DMRT1: variants seen among roughly 807,000 people sequenced by gnomAD.
DMRT1 encodes doublesex and mab-3 related transcription factor 1, also known as doublesex- and mab-3-related transcription factor 1.
A neutral mutation model predicts 32.3 loss-of-function variants in DMRT1; 7 were observed. That is an observed-to-expected ratio of 0.22 (90% CI 0.12 to 0.41). The LOEUF (loss-of-function observed/expected upper bound fraction) is 0.41. DMRT1 is among the 10% of genes least tolerant of loss of function. The pLI, the probability that DMRT1 is intolerant of heterozygous loss-of-function variation, is 1.00. For synonymous variants in DMRT1, 278 were observed against 206.1 expected (o/e 1.35, Z -2.99); for missense variants, 625 against 500.5 (o/e 1.25, Z -2.37).
chr9:962,263 C>G (rs1819798154), intron 4 of DMRT1, among the ~76,000 whole-genome samples: 1 of 152,090 alleles, frequency 6.6e-6, no homozygotes, highest in Non-Finnish European at 1.5e-5. Flanking sequence ...GAAGAGATGT[C>G]AGTGGGAGGA....
intron 2 of DMRT1, among the ~76,000 whole-genome samples, chr9:861,206 C>G (rs766714202): frequency 1.6e-4 from 25 of 151,910 alleles, no homozygotes; most frequent in Admixed American, 3.3e-4. Context: ...AGGGCCCTGC[C>G]GCCTTCCGTC....
At chr9:948,508 G>A (rs775344706) in intron 4 of DMRT1, among the ~76,000 whole-genome samples, 3 of 152,070 alleles carry the variant, frequency 2.0e-5, no homozygotes, top group Non-Finnish European at 4.4e-5. Context: ...GTGGAAGTCA[G>A]TATCCTCTCC....
chr9:844,968 C>T (rs1245459296), intron 1 of DMRT1, among the ~76,000 whole-genome samples: 2 of 151,470 alleles, frequency 1.3e-5, no homozygotes, highest in Non-Finnish European at 1.5e-5. Flanking sequence ...GTGATCCACC[C>T]GCCTCGGCTT....
At chr9:916,714 G>C in intron 3 of DMRT1, 49 bp from the exon 4 acceptor site, 1 of 1,602,906 alleles carries the variant, frequency 6.2e-7, no homozygotes, top group Non-Finnish European at 8.5e-7. Context: ...TGTACTAGTT[G>C]TGACATGCAA....
At chr9:963,409 C>T (rs1819837736) in intron 4 of DMRT1, among the ~76,000 whole-genome samples, 3 of 106,476 alleles carry the variant, frequency 2.8e-5, no homozygotes, top group East Asian at 2.8e-4. Context: ...ATTGTTTCAA[C>T]GATCATTACT....
chr9:910,394 A>G (rs1586604772), intron 3 of DMRT1, among the ~76,000 whole-genome samples: 1 of 152,166 alleles, frequency 6.6e-6, no homozygotes, highest in Non-Finnish European at 1.5e-5. Flanking sequence ...TTAGTAAACA[A>G]CTAGATGACA....
At chr9:958,928 G>A (rs1819681233) in intron 4 of DMRT1, among the ~76,000 whole-genome samples, 1 of 152,146 alleles carries the variant, frequency 6.6e-6, no homozygotes, top group South Asian at 2.1e-4. Context: ...TAGCCTTAAC[G>A]AGATGCCCAT....
At chr9:906,590 A>T (rs1302200853) in intron 3 of DMRT1, among the ~76,000 whole-genome samples, 1 of 152,170 alleles carries the variant, frequency 6.6e-6, no homozygotes, top group Non-Finnish European at 1.5e-5. Context: ...AAGGTTAATT[A>T]AGTTTGTCCA....
At chr9:935,018 G>A (rs1387322421) in intron 4 of DMRT1, among the ~76,000 whole-genome samples, 1 of 152,162 alleles carries the variant, frequency 6.6e-6, no homozygotes, top group Admixed American at 6.5e-5. Flanking sequence ...AAGGCATATA[G>A]GGTAACCAGG....
chr9:863,264 A>G (rs1815806737), intron 2 of DMRT1, among the ~76,000 whole-genome samples: 1 of 151,090 alleles, frequency 6.6e-6, no homozygotes, highest in African/African-American at 2.4e-5. Flanking sequence ...GCTGCAGTGA[A>G]CAGTGATCAT....
At chr9:950,368 G>A (rs1819389429) in intron 4 of DMRT1, among the ~76,000 whole-genome samples, 1 of 152,122 alleles carries the variant, frequency 6.6e-6, no homozygotes, top group Non-Finnish European at 1.5e-5. Flanking sequence ...CCACCAGCAA[G>A]CTTGTTGTGA....
At chr9:940,239 T>C (rs1819018356) in intron 4 of DMRT1, among the ~76,000 whole-genome samples, 1 of 152,024 alleles carries the variant, frequency 6.6e-6, no homozygotes, top group Non-Finnish European at 1.5e-5. Context: ...TGAAAGCAGG[T>C]ACTCACACAG....
intron 4 of DMRT1, among the ~76,000 whole-genome samples, chr9:924,001 G>C (rs1404684727): frequency 6.6e-6 from 1 of 151,924 alleles, no homozygotes. Flanking sequence ...AAGGGCATTG[G>C]AACTATCCCA....
rs550345624 is a variant in DMRT1, at chr9:917,231, G to C, written c.967+324G>C. ...CACTTTAAATGTGGTTCAAGACCTG[G>C]TATTTTTTGTGAAGTGAGTTTCTGT... On this transcript the variant is annotated intron_variant, in intron 4 of 4. Coordinates refer to ENST00000382276, the MANE Select transcript of DMRT1 (RefSeq NM_021951.3). Among the ~76,000 whole-genome samples, 28 of 152,182 alleles carry C rather than the reference G, an allele frequency of 1.8e-4. No homozygotes were observed. The East Asian group carries it at 4.8e-3, about 26-fold the overall frequency.
At chr9:906,308 C>T (rs1050539267) in intron 3 of DMRT1, among the ~76,000 whole-genome samples, 3 of 152,174 alleles carry the variant, frequency 2.0e-5, no homozygotes, top group Admixed American at 2.0e-4. Flanking sequence ...GACAGCCTCA[C>T]GTTGCCCTCC....
rs74330057 is a variant in DMRT1, at chr9:967,781, T to G, written c.968-204T>G. On this transcript the variant is annotated intron_variant, in intron 4 of 4. Coordinates refer to ENST00000382276, the MANE Select transcript of DMRT1 (RefSeq NM_021951.3). ...TACTCCTTTCGTTAAATAGGTATACTGTGTAGAATACTATTTTTTTATTCT... is the reference window on the plus strand; with the variant it reads ...TACTCCTTTCGTTAAATAGGTATACGGTGTAGAATACTATTTTTTTATTCT... Among the ~76,000 whole-genome samples the G allele has an allele frequency of 0.074, 11,283 of 152,284 alleles. 532 individuals carry two copies. The highest frequency in any genetic ancestry group is 0.16 in the East Asian group (856 of 5,188).
chr9:917,899 C>T (rs1818234299), intron 4 of DMRT1, among the ~76,000 whole-genome samples: 2 of 152,172 alleles, frequency 1.3e-5, no homozygotes, highest in African/African-American at 4.8e-5. Flanking sequence ...TGCAGAGAGG[C>T]CGAAGTACAC....
intron 2 of DMRT1, among the ~76,000 whole-genome samples, chr9:865,029 G>A (rs1179208188): frequency 6.6e-6 from 1 of 152,152 alleles, no homozygotes; most frequent in African/African-American, 2.4e-5. Context: ...TACCAGTGTG[G>A]TCAGTGAGCA....
chr9:891,677 G>A (rs915022674), intron 2 of DMRT1, among the ~76,000 whole-genome samples: 4 of 149,358 alleles, frequency 2.7e-5, no homozygotes, highest in Non-Finnish European at 4.4e-5. Context: ...ACCACGCCTG[G>A]CTAATTTTTT....
Sources: gnomAD v4.1 joint callset for allele counts (sites outside exome capture counted in the v4.1 genomes callset) on GRCh38, gnomAD v4.1.1 for gene constraint, MANE v1.5 for transcripts, NCBI Gene and HGNC (gene_info 2026-07-23, HGNC 2026-07-21) for gene names.